Variants in FANCD2OS observed in about 807,000 individuals in gnomAD.
FANCD2OS encodes the protein FANCD2 opposite strand, also known as FANCD2 opposite strand protein.
In FANCD2OS, 11 loss-of-function variants were observed where a neutral mutation model predicts 13.2. That is an observed-to-expected ratio of 0.83 (90% CI 0.52 to 1.38). The LOEUF is 1.38. Among genes scored for constraint, FANCD2OS ranks in the 40% most tolerant of loss-of-function variants. The pLI is 0.00. For missense variants in FANCD2OS, 217 were observed against 213.9 expected, an observed-to-expected ratio of 1.01 and a Z score of -0.09; for synonymous variants, 69 against 84.5, an observed-to-expected ratio of 0.82 and a Z score of 1.01.
At position 10,105,764 on chromosome 3, in the gene FANCD2OS, AAAAAAAATTATATATATATAT is replaced by A. The variant is rs1160383356; in HGVS notation, c.-8-1003_-8-983del. 1.8e-4 allele frequency among the ~76,000 whole-genome samples: 12 copies of A among 67,086 alleles called. 1 individual carries two copies. Among genetic ancestry groups the A allele is most frequent in the African/African-American group, 1.3e-3 (12 of 9,574 alleles). 44.0% of individuals were successfully genotyped at this position (67,086 alleles called of 152,430 possible). On this transcript the variant is annotated intron_variant, in intron 1 of 1. Coordinates refer to ENST00000450660, the MANE Select transcript of FANCD2OS (RefSeq NM_001164839.2). ...AGACTCCATCTAAAAAAAAAAAAAA[AAAAAAAATTATATATATATAT>A]ATATATATATATATATATATATATA...
At chr3:10,086,929 C>G (rs367856025) in intron 2 of FANCD2OS, among the ~76,000 whole-genome samples, 12 of 152,284 alleles carry the variant, frequency 7.9e-5, no homozygotes, top group African/African-American at 2.6e-4. Flanking sequence ...GTGGGGCTGT[C>G]TTCTGCCCTG....
At chr3:10,087,303 T>C in intron 2 of FANCD2OS, 1 of 1,439,732 alleles carries the variant, frequency 6.9e-7, no homozygotes, top group East Asian at 2.3e-5. Flanking sequence ...TTTTTTTTAA[T>C]GAATAGGACT....
chr3:10,108,400 G>C (rs1249474945), upstream of FANCD2OS, among the ~76,000 whole-genome samples: 1 of 152,018 alleles, frequency 6.6e-6, no homozygotes, highest in African/African-American at 2.4e-5. Context: ...CACACTCCCC[G>C]CCCCCACCTC....
At chr3:10,082,711 A>G (rs1188694887) in intron 2 of FANCD2OS, among the ~76,000 whole-genome samples, 1 of 152,096 alleles carries the variant, frequency 6.6e-6, no homozygotes, top group East Asian at 1.9e-4. Context: ...TTAAGCATCC[A>G]TCCTGCCTCT....
chr3:10,100,226 A>G (rs1051752892), downstream of FANCD2OS, among the ~76,000 whole-genome samples: 4 of 152,224 alleles, frequency 2.6e-5, no homozygotes, highest in Non-Finnish European at 5.9e-5. Flanking sequence ...TTTTATTTGT[A>G]TAATATACCC....
intron 2 of FANCD2OS, among the ~76,000 whole-genome samples, chr3:10,093,746 T>C (rs1197146710): frequency 1.3e-5 from 2 of 152,164 alleles, no homozygotes; most frequent in Non-Finnish European, 2.9e-5. Context: ...AGCCCTAGAT[T>C]TGATGGGAAG....
At chr3:10,100,508 A>G (rs1309384830), downstream of FANCD2OS, among the ~76,000 whole-genome samples, 1 of 152,156 alleles carries the variant, frequency 6.6e-6, no homozygotes, top group Non-Finnish European at 1.5e-5. Flanking sequence ...AGTAGCTAGG[A>G]TTACAGGTGC....
chr3:10,089,573 GATT>G (rs1694458927), intron 2 of FANCD2OS, among the ~76,000 whole-genome samples: 2 of 152,018 alleles, frequency 1.3e-5, no homozygotes, highest in Admixed American at 1.3e-4. Flanking sequence ...GGGTTCAAAC[GATT>G]CTCCTACCCC....
chr3:10,094,084 C>T (rs1188359652), intron 2 of FANCD2OS, among the ~76,000 whole-genome samples: 1 of 152,188 alleles, frequency 6.6e-6, no homozygotes, highest in African/African-American at 2.4e-5. Context: ...GTAAGTCTGC[C>T]TAATTCTGGG....
At chr3:10,085,918 C>G in intron 2 of FANCD2OS, 5 of 1,603,856 alleles carry the variant, frequency 3.1e-6, no homozygotes, top group Non-Finnish European at 4.3e-6. Context: ...GGAGGAACTA[C>G]TCAGGTGAGT....
At chr3:10,094,189 TAAG>T (rs1400604608) in intron 2 of FANCD2OS, 12 of 854,168 alleles carry the variant, frequency 1.4e-5, no homozygotes, top group East Asian at 2.4e-5. Flanking sequence ...TATATATAAA[TAAG>T]AAAATAAAAC....
downstream of FANCD2OS, chr3:10,098,896 G>A (rs145889419): frequency 2.2e-5 from 36 of 1,614,138 alleles, no homozygotes; most frequent in African/African-American, 4.5e-4. Context: ...GCAGAACTTT[G>A]CCTACTTATG....
rs562627987 is a variant in FANCD2OS at position 10,086,174 on chromosome 3, A to G, written c.*44-4643T>C. Among the ~76,000 whole-genome samples, 12 of 152,352 alleles carry G rather than the reference A, an allele frequency of 7.9e-5. No individual in the cohort carries two copies. The South Asian group carries it at 2.5e-3, about 32-fold the overall frequency. ...AACTCAGCCTTTTCAAGTAATAATG[A>G]TGAAAACATTGACCATCTGTAATCA... is the stretch of plus-strand genomic sequence containing the variant. On this transcript the variant is annotated intron_variant, in intron 2 of 2. Coordinates refer to the FANCD2OS transcript ENST00000524279.
chr3:10,104,739 T>G lies in FANCD2OS; in HGVS notation c.36A>C (p.Pro12=). 1 of 1,602,714 alleles carries G rather than the reference T, an allele frequency of 6.2e-7. No homozygotes were observed. The highest frequency in any genetic ancestry group is 8.5e-7 in the Non-Finnish European group (1 of 1,173,774). Residue 12 remains proline, a synonymous_variant, in exon 2 of 2, where the codon CCA becomes CCC. Coordinates refer to ENST00000450660, the MANE Select transcript of FANCD2OS (RefSeq NM_001164839.2). ...AGYQLWSPWT[P]LDESFQWLRH... is the part of the protein sequence containing the mutation. ...GCAGCCATTGGAAACTCTCATCCAGTGGGGTCCATGGTGACCAGAGCTGGT... is the reference window on the plus strand; with the variant it reads ...GCAGCCATTGGAAACTCTCATCCAGGGGGGTCCATGGTGACCAGAGCTGGT...
intron 2 of FANCD2OS, among the ~76,000 whole-genome samples, chr3:10,087,883 G>A (rs1359394395): frequency 2.0e-5 from 3 of 151,932 alleles, no homozygotes; most frequent in Non-Finnish European, 2.9e-5. Flanking sequence ...TCCTGACCTC[G>A]TGATCCACCT....
chr3:10,093,231 G>A (rs2125088481), intron 2 of FANCD2OS: 1 of 1,400,690 alleles, frequency 7.1e-7, no homozygotes, highest in South Asian at 1.2e-5. Context: ...AAAGAGGCTG[G>A]AGTGCTCAAA....
At chr3:10,099,108 T>G (rs1477893244), downstream of FANCD2OS, 3 of 1,511,876 alleles carry the variant, frequency 2.0e-6, no homozygotes, top group African/African-American at 2.8e-5. Context: ...TGAAACCATT[T>G]TAGAAGGGAG....
chr3:10,090,470 T>TTTC, intron 2 of FANCD2OS: 1 of 845,044 alleles, frequency 1.2e-6, no homozygotes, highest in Non-Finnish European at 1.8e-6. Flanking sequence ...TTTTTTTTTT[T>TTTC]TCTGAGACAG....
intron 2 of FANCD2OS, chr3:10,088,399 A>T (rs138189159): frequency 1.2e-4 from 132 of 1,097,554 alleles, no homozygotes; most frequent in Admixed American, 2.4e-4. Flanking sequence ...AAAAGCAAGA[A>T]TGAGGTCAAG....
Sources: allele counts gnomAD v4.1 joint callset (sites outside exome capture counted in the v4.1 genomes callset), GRCh38; gene constraint gnomAD v4.1.1; transcripts MANE v1.5; gene names NCBI Gene and HGNC (gene_info 2026-07-23, HGNC 2026-07-21).